The following WIPF1 variants were observed in gnomAD, a reference collection of about 807,000 sequenced individuals.
The protein encoded by WIPF1 is WAS/WASL interacting protein family member 1.
A neutral mutation model predicts 35.4 loss-of-function variants in WIPF1; 13 were observed. That is an observed-to-expected ratio of 0.37 (90% CI 0.24 to 0.58). The LOEUF is 0.58. WIPF1 is among the 20% of genes least tolerant of loss of function. The pLI, the probability that WIPF1 is intolerant of heterozygous loss-of-function variation, is 0.74. For missense variants in WIPF1, 591 were observed against 667.0 expected, an observed-to-expected ratio of 0.89 and a Z score of 1.25; for synonymous variants, 267 against 266.3, an observed-to-expected ratio of 1.00 and a Z score of -0.02.
chr2:174,635,525 GTTTGT>G (rs1433124363), intron 1 of WIPF1, among the ~76,000 whole-genome samples: 3 of 126,180 alleles, frequency 2.4e-5, no homozygotes, highest in African/African-American at 6.3e-5. Flanking sequence ...GGTGCCTTCT[GTTTGT>G]TTTTTTTTTT....
chr2:174,634,589 T>C (rs1167622195), intron 1 of WIPF1: 1 of 152,276 alleles, frequency 6.6e-6, no homozygotes, highest in African/African-American at 2.4e-5. Flanking sequence ...CAGTTTCCTG[T>C]AAATGTTGCA....
chr2:174,585,003 G>A (rs1685359008), intron 2 of WIPF1, among the ~76,000 whole-genome samples: 1 of 152,140 alleles, frequency 6.6e-6, no homozygotes, highest in Non-Finnish European at 1.5e-5. Flanking sequence ...AGGAGGATGT[G>A]AATGTGTATG....
In WIPF1 at chr2:174,576,230, C is replaced by CAAAAAAAAAAAAAA. The variant is rs66562213; in HGVS notation, c.182-864_182-851dup. 5.7e-4 allele frequency among the ~76,000 whole-genome samples: 56 copies of CAAAAAAAAAAAAAA among 98,912 alleles called. 1 individual carries two copies. Among genetic ancestry groups the CAAAAAAAAAAAAAA allele is most frequent in the African/African-American group, 2.3e-3 (52 of 22,942 alleles). 64.9% of individuals were successfully genotyped at this position (98,912 alleles called of 152,430 possible). A position where few individuals can be genotyped will look rare whatever the true frequency, so the allele number is the denominator to read the frequency against. The stretch of plus-strand genomic sequence containing the variant: ...CTATGATTGCACCACTGCACTCCAG[C>CAAAAAAAAAAAAAA]AAAAAAAAAAAAAAAAAAACACTAA... On this transcript the variant is annotated intron_variant, in intron 3 of 7. Transcript: ENST00000679041.
intron 1 of WIPF1, chr2:174,676,315 C>CTTTTTTTTTTT (rs75689219): frequency 1.8e-5 from 1 of 55,028 alleles, no homozygotes; most frequent in African/African-American, 7.7e-5. Flanking sequence ...TCCCTCCCTT[C>CTTTTTTTTTTT]TTTTTTTTTT....
At chr2:174,630,098 C>T (rs1236249581) in intron 1 of WIPF1, among the ~76,000 whole-genome samples, 1 of 152,194 alleles carries the variant, frequency 6.6e-6, no homozygotes, top group Admixed American at 6.5e-5. Context: ...CCATTATACA[C>T]ACACACATAC....
chr2:174,570,705 G>A (rs1684800516), intron 5 of WIPF1: 1 of 152,356 alleles, frequency 6.6e-6, no homozygotes, highest in South Asian at 2.1e-4. Flanking sequence ...CAGTACGTGA[G>A]CAAGTTTAAA....
Position 174,571,279 on chromosome 2 carries a change from T to C in WIPF1, c.1129+397A>G, listed in dbSNP as rs1684822978. 1 of 421,258 alleles carries C rather than the reference T, an allele frequency of 2.4e-6. No homozygotes were observed. The highest frequency in any genetic ancestry group is 2.0e-5 in the African/African-American group (1 of 49,152). The allele number at this position is 421,258 out of a possible 1,614,324, so 26.1% of individuals were successfully genotyped here. A position where few individuals can be genotyped will look rare whatever the true frequency, so the allele number is the denominator to read the frequency against. On this transcript the variant is annotated intron_variant, in intron 5 of 7. Coordinates refer to ENST00000679041, the MANE Select transcript of WIPF1 (RefSeq NM_001375834.1). This position sits in a 1 kb window ranked among gnomAD's most constrained non-coding sequence, Gnocchi z 4.6. ...AGCTCTTGAAGAACTTCCCCTCTTG[T>C]TGGAATAACAGAGCCCTCCTGCGGG...
intron 1 of WIPF1, among the ~76,000 whole-genome samples, chr2:174,663,909 T>G (rs575208701): frequency 6.6e-6 from 1 of 152,318 alleles, no homozygotes; most frequent in South Asian, 2.1e-4. Context: ...CCATAGAGCG[T>G]TGGAGCCAAA....
In WIPF1 at chr2:174,571,512, G is replaced by A. The variant is rs1464754749; in HGVS notation, c.1129+164C>T. 2.1e-6 allele frequency: 2 copies of A among 935,216 alleles called. No individual in the cohort carries two copies. Among genetic ancestry groups the A allele is most frequent in the Non-Finnish European group, 3.5e-6 (2 of 576,006 alleles). 57.9% of individuals were successfully genotyped at this position (935,216 alleles called of 1,614,324 possible). A position where few individuals can be genotyped will look rare whatever the true frequency, so the allele number is the denominator to read the frequency against. Reference sequence around the variant, plus strand: ...AATATTGGTCCCACTTTCCCCCGGGGTTTACACGAGGTCACGATCACACGT... The same window carrying A: ...AATATTGGTCCCACTTTCCCCCGGGATTTACACGAGGTCACGATCACACGT... On this transcript the variant is annotated intron_variant, in intron 5 of 7. Transcript: ENST00000679041. This position sits in a 1 kb window ranked among gnomAD's most constrained non-coding sequence, Gnocchi z 4.6.
chr2:174,651,301 C>T (rs1395286060), intron 1 of WIPF1, among the ~76,000 whole-genome samples: 1 of 152,108 alleles, frequency 6.6e-6, no homozygotes, highest in Admixed American at 6.5e-5. Context: ...ATAATTATTA[C>T]ATTAAGTATT....
At chr2:174,677,436 G>A (rs529492551) in intron 1 of WIPF1, among the ~76,000 whole-genome samples, 16 of 152,350 alleles carry the variant, frequency 1.1e-4, no homozygotes, top group African/African-American at 3.6e-4. Flanking sequence ...CAAGGAAGAA[G>A]AGATGCCTGC....
chr2:174,644,767 TTGCTAGACCTG>T (rs1687368206), intron 1 of WIPF1, among the ~76,000 whole-genome samples: 1 of 152,234 alleles, frequency 6.6e-6, no homozygotes, highest in South Asian at 2.1e-4. Context: ...GAAAATAATG[TTGCTAGACCTG>T]CTGAATGGCT....
At chr2:174,587,287 G>A (rs1163001984) in intron 1 of WIPF1, among the ~76,000 whole-genome samples, 2 of 152,118 alleles carry the variant, frequency 1.3e-5, no homozygotes, top group South Asian at 2.1e-4. Context: ...ATAGTGCTGG[G>A]ATTACAGGTG....
intron 4 of WIPF1, 74 bp from the exon 5 acceptor site, chr2:174,572,520 C>A: frequency 6.3e-7 from 1 of 1,580,904 alleles, no homozygotes; most frequent in Non-Finnish European, 8.6e-7. Flanking sequence ...GAGTCTGTTC[C>A]CAGTGACTGG....
At chr2:174,604,976 G>C (rs780510339) in intron 1 of WIPF1, among the ~76,000 whole-genome samples, 1 of 152,182 alleles carries the variant, frequency 6.6e-6, no homozygotes, top group Non-Finnish European at 1.5e-5. Flanking sequence ...GATGTAGTGA[G>C]ACTTATTCTA....
In WIPF1 at chr2:174,571,541, G is replaced by T; in HGVS notation, c.1129+135C>A. Reference sequence around the variant, plus strand: ...ACACGAGGTCACGATCACACGTGTCGTGTGCCACTTAAAAGCACAAAGCAG... The same window carrying T: ...ACACGAGGTCACGATCACACGTGTCTTGTGCCACTTAAAAGCACAAAGCAG... On this transcript the variant is annotated intron_variant, in intron 5 of 7. Transcript: ENST00000679041. This position sits in a 1 kb window ranked among gnomAD's most constrained non-coding sequence, Gnocchi z 4.6. 8.3e-7 allele frequency: 1 copy of T among 1,208,568 alleles called. No individual in the cohort carries two copies. The highest frequency in any genetic ancestry group is 1.2e-6 in the Non-Finnish European group (1 of 811,736). The allele number at this position is 1,208,568 out of a possible 1,614,324, so 74.9% of individuals were successfully genotyped here. A position where few individuals can be genotyped will look rare whatever the true frequency, so the allele number is the denominator to read the frequency against.
intron 1 of WIPF1, among the ~76,000 whole-genome samples, chr2:174,680,387 G>A (rs936968212): frequency 3.3e-5 from 5 of 152,214 alleles, no homozygotes; most frequent in African/African-American, 1.2e-4. Flanking sequence ...ATTGTGGCTT[G>A]CTGGGAAACA....
chr2:174,592,753 G>A (rs1025763022), intron 1 of WIPF1, among the ~76,000 whole-genome samples: 1 of 151,862 alleles, frequency 6.6e-6, no homozygotes, highest in Admixed American at 6.6e-5. Flanking sequence ...TTACAGGCGT[G>A]TGCCATCACA....
chr2:174,582,713 G>A (rs535167865), intron 2 of WIPF1, among the ~76,000 whole-genome samples: 1 of 152,276 alleles, frequency 6.6e-6, no homozygotes, highest in East Asian at 1.9e-4. Flanking sequence ...ACGAGCTACT[G>A]CTCCTGGCCT....
Sources: allele counts gnomAD v4.1 joint callset (sites outside exome capture counted in the v4.1 genomes callset), GRCh38; gene constraint gnomAD v4.1.1; non-coding constraint Gnocchi (gnomAD v3.1); transcripts MANE v1.5; gene names NCBI Gene and HGNC (gene_info 2026-07-23, HGNC 2026-07-21).